The following PRPF40B variants were observed in gnomAD, a reference collection of about 807,000 sequenced individuals.
PRPF40B encodes the protein pre-mRNA-processing factor 40 homolog B.
In PRPF40B, 56 loss-of-function variants were observed where a neutral mutation model predicts 124.5. That is an observed-to-expected ratio of 0.45 (90% CI 0.36 to 0.56). The LOEUF (loss-of-function observed/expected upper bound fraction) is 0.56. Among genes scored for constraint, PRPF40B ranks in the 20% least tolerant of loss-of-function variants. PRPF40B has a pLI of 0.00. For synonymous variants in PRPF40B, 443 were observed against 426.4 expected (o/e 1.04, Z -0.48); for missense variants, 1,053 against 1,169.5 (o/e 0.90, Z 1.45).
rs757228427 is a variant in PRPF40B at position 49,631,831 on chromosome 12, G to A, written c.229-29G>A. Reference sequence around the variant, plus strand: ...TCCTGTTCCAGCCCTTACCTTGGTGGTTGGTTTCTGTCTTCTTTGTATCCA... The same window carrying A: ...TCCTGTTCCAGCCCTTACCTTGGTGATTGGTTTCTGTCTTCTTTGTATCCA... On this transcript the variant is annotated intron_variant, in intron 3 of 25. Coordinates refer to ENST00000548825, the MANE Select transcript of PRPF40B (RefSeq NM_001031698.3). This position sits in a 1 kb window ranked among gnomAD's most constrained non-coding sequence, Gnocchi z 4.3. 6.2e-7 allele frequency: 1 copy of A among 1,603,842 alleles called. No homozygotes were observed. The highest frequency in any genetic ancestry group is 1.1e-5 in the South Asian group (1 of 90,884).
In PRPF40B at chr12:49,642,632, CG is replaced by C. The variant is rs1565851704; in HGVS notation, c.2077del (p.Glu693SerfsTer180). 1 of 1,614,162 alleles carries C rather than the reference CG, an allele frequency of 6.2e-7. No individual in the cohort carries two copies. Among genetic ancestry groups the C allele is most frequent in the Non-Finnish European group, 8.5e-7 (1 of 1,180,024 alleles). On this transcript the variant is annotated frameshift_variant, in exon 21 of 26. Coordinates refer to ENST00000548825, the MANE Select transcript of PRPF40B (RefSeq NM_001031698.3). LOFTEE classifies it high-confidence loss of function. The surrounding 1 kb of genome is among the most constrained non-coding windows in gnomAD (Gnocchi z 5.8). ...GCCTTTGAGCAGATCACCCTGGAGT[CG>C]GAGCGGATCCGGCTCTTCCGGGAGT... Reference protein sequence around the residue: ...DSAFEQITLESERIRLFREFL... With the variant: ...DSAFEQITLEXERIRLFREFL...
chr12:49,635,565 A>G lies in PRPF40B; in HGVS notation c.1275+92A>G. ...ATGGACCCTCGCCATTTACTTCTCT[A>G]CTTCCCCAGTGTCCCAGCTTCTGAC... On this transcript the variant is annotated intron_variant, in intron 14 of 25. Coordinates refer to ENST00000548825, the MANE Select transcript of PRPF40B (RefSeq NM_001031698.3). This position sits in a 1 kb window ranked among gnomAD's most constrained non-coding sequence, Gnocchi z 4.1. 8.0e-7 allele frequency: 1 copy of G among 1,247,458 alleles called. No homozygotes were observed. The highest frequency in any genetic ancestry group is 2.3e-5 in the East Asian group (1 of 42,568). The allele number at this position is 1,247,458 out of a possible 1,614,324, so 77.3% of individuals were successfully genotyped here. A position where few individuals can be genotyped will look rare whatever the true frequency, so the allele number is the denominator to read the frequency against.
rs1401078157 is a variant in PRPF40B, at chr12:49,632,576, C to T, written c.295-20C>T. 10 of 1,613,350 alleles carry T rather than the reference C, an allele frequency of 6.2e-6. No homozygotes were observed. The highest frequency in any genetic ancestry group is 7.6e-6 in the Non-Finnish European group (9 of 1,179,784). ...CACTGGGCTTGGCCCCAACCCTTCC[C>T]CCTCCTCTTTCTTCGGCAGACGGCT... On this transcript the variant is annotated intron_variant, in intron 4 of 25. Transcript: ENST00000548825.
chr12:49,623,230 G>C (rs562000134), upstream of PRPF40B, among the ~76,000 whole-genome samples: 123 of 152,026 alleles, frequency 8.1e-4, 1 homozygote, highest in African/African-American at 2.7e-3. Context: ...CTGCGTGAAC[G>C]CTTCGGCTCC....
rs1271688888 is a variant in PRPF40B, at chr12:49,644,249, C to G, written c.*57C>G. The G allele has an allele frequency of 6.3e-7, 1 of 1,584,250 alleles. No individual in the cohort carries two copies. The highest frequency in any genetic ancestry group is 1.3e-5 in the African/African-American group (1 of 74,408). Reference sequence around the variant, plus strand: ...GTGAGGCCATGGCTCCTGGGCCACCCTCACCGTCTGCCTCAGACTTCTTCC... The same window carrying G: ...GTGAGGCCATGGCTCCTGGGCCACCGTCACCGTCTGCCTCAGACTTCTTCC... On this transcript the variant is annotated 3_prime_UTR_variant, in exon 26 of 26. Transcript: ENST00000548825.
rs200976527 is a variant in PRPF40B, at chr12:49,632,998, C to T, written c.349-16C>T. ...AGGGGCCTTGACCACCATTCTGTGC[C>T]CCCCCCCCCACCCAGAGGGCCCTAT... On this transcript the variant is annotated splice_polypyrimidine_tract_variant and intron_variant, in intron 6 of 25. Coordinates refer to ENST00000548825, the MANE Select transcript of PRPF40B (RefSeq NM_001031698.3). 2.0e-4 allele frequency: 99 copies of T among 483,622 alleles called. No individual in the cohort carries two copies. The highest frequency in any genetic ancestry group is 3.6e-4 in the Non-Finnish European group (93 of 258,370). 30.0% of individuals were successfully genotyped at this position (483,622 alleles called of 1,614,324 possible).
intron 18 of PRPF40B, 104 bp from the exon 19 acceptor site, chr12:49,641,804 C>A: frequency 2.2e-6 from 2 of 915,346 alleles, no homozygotes; most frequent in Non-Finnish European, 3.5e-6. Flanking sequence ...GGATCTCTTC[C>A]AGAGGCAAGG....
upstream of PRPF40B, chr12:49,623,463 A>C: frequency 9.5e-7 from 1 of 1,048,406 alleles, no homozygotes; most frequent in Non-Finnish European, 1.2e-6. Flanking sequence ...GGCGGGAGCC[A>C]CCGGAGCCCC....
chr12:49,631,350 G>C lies in PRPF40B; in HGVS notation c.85-51G>C, dbSNP rs1229664840. The stretch of plus-strand genomic sequence containing the variant: ...TTCCTGACAGGTCCTCTCTACCTCT[G>C]ACAAGGCGATGTCTTCCCTGCTCAG... On this transcript the variant is annotated intron_variant, in intron 2 of 25. Transcript: ENST00000548825. This position sits in a 1 kb window ranked among gnomAD's most constrained non-coding sequence, Gnocchi z 4.3. 1 of 1,392,138 alleles carries C rather than the reference G, an allele frequency of 7.2e-7. No homozygotes were observed. Among genetic ancestry groups the C allele is most frequent in the East Asian group, 2.5e-5 (1 of 39,512 alleles). 86.2% of individuals were successfully genotyped at this position (1,392,138 alleles called of 1,614,324 possible). A position where few individuals can be genotyped will look rare whatever the true frequency, so the allele number is the denominator to read the frequency against.
chr12:49,628,316 A>G (rs1940912263), intron 1 of PRPF40B, among the ~76,000 whole-genome samples: 1 of 151,560 alleles, frequency 6.6e-6, no homozygotes, highest in African/African-American at 2.4e-5. Context: ...GCTGGAGTGC[A>G]GTGGTGCAGT....
rs567238126 is a variant in PRPF40B at position 49,635,073 on chromosome 12, C to A, written c.1002-26C>A. On this transcript the variant is annotated intron_variant, in intron 12 of 25. Transcript: ENST00000548825. This position sits in a 1 kb window ranked among gnomAD's most constrained non-coding sequence, Gnocchi z 4.1. ...GTGGTTCGGGTGACTTCTCTATCCC[C>A]ACCCCACTCCTACCCTCTATCCCAG... is the stretch of plus-strand genomic sequence containing the variant. 2.0e-5 allele frequency: 32 copies of A among 1,598,658 alleles called. No individual in the cohort carries two copies. The highest frequency in any genetic ancestry group is 2.7e-5 in the Non-Finnish European group (32 of 1,173,446).
intron 1 of PRPF40B, among the ~76,000 whole-genome samples, chr12:49,626,053 A>G (rs1219359646): frequency 6.6e-6 from 1 of 152,240 alleles, no homozygotes; most frequent in Non-Finnish European, 1.5e-5. Context: ...AGTTAGCTTT[A>G]TTAGGTTTTC....
At chr12:49,640,328 GAGATTGCGAGGGAGTAC>G (rs1301956376) in intron 18 of PRPF40B, 1 of 152,242 alleles carries the variant, frequency 6.6e-6, no homozygotes, top group Non-Finnish European at 1.5e-5. Flanking sequence ...GATGAAGGAT[GAGATTGCGAGGGAGTAC>G]AGATTGGGTA....
chr12:49,632,662 G>A (rs1356670374), intron 5 of PRPF40B, 39 bp downstream of exon 5: 1 of 1,611,580 alleles, frequency 6.2e-7, no homozygotes, highest in South Asian at 1.1e-5. Context: ...AGGCTCGGAG[G>A]TTGGGGGGCA....
chr12:49,623,543 C>T, upstream of PRPF40B: 1 of 1,245,242 alleles, frequency 8.0e-7, no homozygotes, highest in Non-Finnish European at 1.0e-6. Context: ...CAGAGCGGCT[C>T]TTACTGGCGG....
Position 49,635,190 on chromosome 12 carries a change from G to A in PRPF40B, c.1093G>A (p.Ala365Thr). 6.2e-7 allele frequency: 1 copy of A among 1,614,138 alleles called. No homozygotes were observed. Among genetic ancestry groups the A allele is most frequent in the Non-Finnish European group, 8.5e-7 (1 of 1,180,020 alleles). The change falls in exon 13 of 26, where the codon GCC (alanine) becomes ACC (threonine). Residue 365 changes from alanine to threonine, a missense_variant. By Grantham distance (58) the Ala-to-Thr change is moderately conservative (BLOSUM62 0). Around this residue, in one of 2 missense-constraint regions of PRPF40B, gnomAD observed 895 missense variants for 1,052.2 expected, o/e 0.85. Coordinates refer to ENST00000548825, the MANE Select transcript of PRPF40B (RefSeq NM_001031698.3). The surrounding 1 kb of genome is among the most constrained non-coding windows in gnomAD (Gnocchi z 4.1). ...KEEKEEARLR[A>T]KEAKQTLQHF... ...GGAGAAGGAGGAGGCCCGGCTAAGG[G>A]CCAAAGAGGCCAAGCAGACCCTGCA...
At chr12:49,627,592 G>A (rs1940840254) in intron 1 of PRPF40B, among the ~76,000 whole-genome samples, 1 of 152,170 alleles carries the variant, frequency 6.6e-6, no homozygotes, top group African/African-American at 2.4e-5. Context: ...AGCTCAGCAT[G>A]GGGGAGATTG....
chr12:49,643,681 CTA>C lies in PRPF40B; in HGVS notation c.2381-8_2381-7del. 1.2e-6 allele frequency: 2 copies of C among 1,611,998 alleles called. No homozygotes were observed. The highest frequency in any genetic ancestry group is 2.2e-5 in the South Asian group (2 of 90,644). On this transcript the variant is annotated splice_polypyrimidine_tract_variant and splice_region_variant and intron_variant, in intron 23 of 25. Transcript: ENST00000548825. ...CTGTTGGGACTTAGTAGGGATTTTT[CTA>C]TCTCTAGATCATGGCCTTCGGAAAG... is the stretch of plus-strand genomic sequence containing the variant.
Position 49,637,803 on chromosome 12 carries a change from G to C in PRPF40B, c.1746G>C (p.Lys582Asn). 2 of 1,609,250 alleles carry C rather than the reference G, an allele frequency of 1.2e-6. No individual in the cohort carries two copies. The highest frequency in any genetic ancestry group is 1.7e-6 in the Non-Finnish European group (2 of 1,176,230). ...ELKARFHDEK[K>N]IIKDILKDRG... ...AGGCACGATTCCATGATGAAAAGAA[G>C]ATCATTAAGGACATCCTTAAGGTGA... Residue 582 changes from lysine (K) to asparagine (N), a missense_variant, in exon 18 of 26, where the codon AAG becomes AAC. Coordinates refer to ENST00000548825, the MANE Select transcript of PRPF40B (RefSeq NM_001031698.3).
Sources: allele counts gnomAD v4.1 joint callset (sites outside exome capture counted in the v4.1 genomes callset), GRCh38; gene constraint gnomAD v4.1.1; regional missense constraint gnomAD v4.1.1; non-coding constraint Gnocchi (gnomAD v3.1); transcripts MANE v1.5; gene names NCBI Gene and HGNC (gene_info 2026-07-23, HGNC 2026-07-21).